The following ARB2A variants were observed in gnomAD, a reference collection of about 807,000 sequenced individuals.
The protein encoded by ARB2A is cotranscriptional regulator ARB2A.
At chr5:93,997,917 C>CA in the ARB2A span, among the ~76,000 whole-genome samples, 1 of 151,746 alleles carries the variant, frequency 6.6e-6, no homozygotes, top group Admixed American at 6.6e-5. Context: ...TACCACAAAA[C>CA]AAAGTAATCA....
chr5:93,641,432 A>ACCCAC, the ARB2A span, among the ~76,000 whole-genome samples: 1 of 152,174 alleles, frequency 6.6e-6, no homozygotes, highest in Non-Finnish European at 1.5e-5. Flanking sequence ...ACACCTGTGA[A>ACCCAC]TCCACTTATA....
At chr5:94,046,900 C>A in the ARB2A span, among the ~76,000 whole-genome samples, 1 of 152,130 alleles carries the variant, frequency 6.6e-6, no homozygotes, top group East Asian at 1.9e-4. Flanking sequence ...TGGTATATAA[C>A]CAGAACTCAT....
At chr5:94,074,501 G>T in the ARB2A span, 1 of 579,748 alleles carries the variant, frequency 1.7e-6, no homozygotes, top group Non-Finnish European at 3.0e-6. Context: ...AGTAATAGTT[G>T]CTGTGAGGGA....
chr5:93,848,780 GAGT>G, the ARB2A span, among the ~76,000 whole-genome samples: 1 of 152,164 alleles, frequency 6.6e-6, no homozygotes, highest in Non-Finnish European at 1.5e-5. Flanking sequence ...AGATTGTTGG[GAGT>G]AGACTGTCAC....
the ARB2A span, among the ~76,000 whole-genome samples, chr5:93,883,918 T>TACACATAC: frequency 8.8e-5 from 6 of 68,326 alleles, no homozygotes; most frequent in Admixed American, 1.7e-4. Flanking sequence ...CACATACACA[T>TACACATAC]ACACATACAC....
the ARB2A span, among the ~76,000 whole-genome samples, chr5:93,920,033 C>G: frequency 6.6e-6 from 1 of 151,914 alleles, no homozygotes; most frequent in Non-Finnish European, 1.5e-5. Context: ...TTATAGTATA[C>G]GATCTGTAAT....
chr5:94,067,370 G>C, the ARB2A span, among the ~76,000 whole-genome samples: 1 of 152,020 alleles, frequency 6.6e-6, no homozygotes, highest in African/African-American at 2.4e-5. Flanking sequence ...AAAATAAAAA[G>C]CATCCAAATT....
the ARB2A span, among the ~76,000 whole-genome samples, chr5:93,847,964 ATTG>A: frequency 2.6e-5 from 4 of 152,266 alleles, no homozygotes; most frequent in Non-Finnish European, 4.4e-5. Context: ...ACTTAAATGC[ATTG>A]TTAAGAAATG....
the ARB2A span, among the ~76,000 whole-genome samples, chr5:93,722,451 CT>C: frequency 6.6e-6 from 1 of 152,040 alleles, no homozygotes; most frequent in Non-Finnish European, 1.5e-5. Flanking sequence ...GAGATTAAGA[CT>C]GCAAAATAAA....
At chr5:93,715,991 T>C in the ARB2A span, among the ~76,000 whole-genome samples, 2 of 152,198 alleles carry the variant, frequency 1.3e-5, no homozygotes, top group South Asian at 4.1e-4. Context: ...ATAAACATGA[T>C]AGGTAACACA....
the ARB2A span, among the ~76,000 whole-genome samples, chr5:93,912,377 T>G: frequency 1.3e-5 from 2 of 151,874 alleles, no homozygotes; most frequent in Non-Finnish European, 2.9e-5. Context: ...ATTTGGATTT[T>G]GAAAACTGAT....
chr5:93,727,522 T>C, the ARB2A span, among the ~76,000 whole-genome samples: 4 of 152,124 alleles, frequency 2.6e-5, no homozygotes, highest in African/African-American at 9.6e-5. Context: ...TTCTAAATAT[T>C]CTTATTAAAT....
At chr5:94,034,809 G>A in the ARB2A span, among the ~76,000 whole-genome samples, 1 of 152,190 alleles carries the variant, frequency 6.6e-6, no homozygotes, top group Non-Finnish European at 1.5e-5. Context: ...TAGGAACCGG[G>A]CTGCACAGCA....
At chr5:93,761,606 C>T in the ARB2A span, among the ~76,000 whole-genome samples, 1 of 152,192 alleles carries the variant, frequency 6.6e-6, no homozygotes, top group Admixed American at 6.5e-5. Context: ...GGCCTGCCTG[C>T]CTCTGTAGAC....
chr5:94,069,937 G>T, the ARB2A span, among the ~76,000 whole-genome samples: 1 of 152,072 alleles, frequency 6.6e-6, no homozygotes, highest in African/African-American at 2.4e-5. Context: ...GCACTACTAG[G>T]TATGTATTCA....
At chr5:93,938,427 T>C in the ARB2A span, among the ~76,000 whole-genome samples, 1 of 152,242 alleles carries the variant, frequency 6.6e-6, no homozygotes, top group Non-Finnish European at 1.5e-5. Context: ...TTATATAGTA[T>C]TGACTATCTC....
chr5:93,707,230 A>C, the ARB2A span, among the ~76,000 whole-genome samples: 2 of 152,226 alleles, frequency 1.3e-5, no homozygotes, highest in Non-Finnish European at 2.9e-5. Context: ...GTAAGGATTA[A>C]ATTGGCAAAA....
At chr5:94,060,832 G>C in the ARB2A span, among the ~76,000 whole-genome samples, 2 of 152,120 alleles carry the variant, frequency 1.3e-5, no homozygotes, top group Non-Finnish European at 2.9e-5. Context: ...GCTTATGACA[G>C]AACGGTTCAC....
chr5:93,813,263 T>G, the ARB2A span, among the ~76,000 whole-genome samples: 3 of 152,168 alleles, frequency 2.0e-5, no homozygotes, highest in Non-Finnish European at 4.4e-5. Flanking sequence ...TGAGATAAAG[T>G]GGCAAAGAAC....
Sources: gnomAD v4.1 joint callset for allele counts (sites outside exome capture counted in the v4.1 genomes callset) on GRCh38, gnomAD v4.1.1 for gene constraint, MANE v1.5 for transcripts, NCBI Gene and HGNC (gene_info 2026-07-23, HGNC 2026-07-21) for gene names.